The following CD96 variants were observed in gnomAD, a reference collection of about 807,000 sequenced individuals.
CD96 encodes T-cell surface protein tactile.
Under a neutral mutation model 71.3 loss-of-function variants are expected in CD96, and 70 were observed. That is an observed-to-expected ratio of 0.98 (90% CI 0.81 to 1.20). The LOEUF (loss-of-function observed/expected upper bound fraction) is 1.20. Ranked by LOEUF, CD96 falls within the 50% of genes most tolerant of loss-of-function variation. CD96 has a pLI of 0.00. For synonymous variants in CD96, 248 were observed against 233.0 expected, an observed-to-expected ratio of 1.06 and a Z score of -0.59; for missense variants, 742 against 677.5, an observed-to-expected ratio of 1.10 and a Z score of -1.06.
At chr3:111,587,468 G>A (rs1389498050) in intron 5 of CD96, among the ~76,000 whole-genome samples, 1 of 151,692 alleles carries the variant, frequency 6.6e-6, no homozygotes, top group Admixed American at 6.6e-5. Context: ...ATGGTCTGAT[G>A]ATGAGTTTCT....
chr3:111,617,451 T>C (rs1441641995), intron 8 of CD96, among the ~76,000 whole-genome samples: 5 of 152,166 alleles, frequency 3.3e-5, no homozygotes, highest in African/African-American at 7.2e-5. Flanking sequence ...TCTGAGCCCA[T>C]GAAAAACCGG....
downstream of CD96, among the ~76,000 whole-genome samples, chr3:111,657,111 G>A (rs572140263): frequency 6.6e-6 from 1 of 151,736 alleles, no homozygotes; most frequent in Admixed American, 6.6e-5. Context: ...ACTAATCCAG[G>A]CCAGGTGGAT....
intron 5 of CD96, among the ~76,000 whole-genome samples, chr3:111,596,339 T>G (rs966678137): frequency 1.3e-5 from 2 of 152,118 alleles, no homozygotes; most frequent in African/African-American, 4.8e-5. Context: ...ATGAACCACA[T>G]TTCTAAACCA....
At chr3:111,565,614 G>T (rs60925257) in intron 2 of CD96, among the ~76,000 whole-genome samples, 4,621 of 152,116 alleles carry the variant, frequency 0.03, 174 homozygotes, top group East Asian at 0.15. Flanking sequence ...GGCAAAAAAT[G>T]ATGATAGTAG....
At chr3:111,548,227 G>C (rs895456940) in intron 2 of CD96, among the ~76,000 whole-genome samples, 1 of 152,118 alleles carries the variant, frequency 6.6e-6, no homozygotes, top group Non-Finnish European at 1.5e-5. Flanking sequence ...ATCTCTTCCT[G>C]TTTCTTTTCT....
chr3:111,614,611 T>C (rs1938133764), intron 8 of CD96, among the ~76,000 whole-genome samples: 1 of 152,136 alleles, frequency 6.6e-6, no homozygotes, highest in Admixed American at 6.5e-5. Flanking sequence ...TAGGTGTTCT[T>C]CCTGAGTGAG....
chr3:111,549,783 G>A (rs1200834363), intron 2 of CD96, among the ~76,000 whole-genome samples: 2 of 152,164 alleles, frequency 1.3e-5, no homozygotes, highest in South Asian at 2.1e-4. Flanking sequence ...AGGGAACACT[G>A]GAAGATGATC....
intron 5 of CD96, among the ~76,000 whole-genome samples, chr3:111,591,371 T>TA (rs3082283): frequency 0.024 from 2,087 of 88,110 alleles, 96 homozygotes; most frequent in African/African-American, 0.084. Context: ...GACTCCATCT[T>TA]AAAAAAAAAA....
chr3:111,553,639 A>G (rs900260449), intron 2 of CD96, among the ~76,000 whole-genome samples: 1 of 151,816 alleles, frequency 6.6e-6, no homozygotes, highest in African/African-American at 2.4e-5. Flanking sequence ...CCTCTCATCA[A>G]CTTATTATTT....
At chr3:111,542,417 G>A (rs1934147987) in intron 1 of CD96, 108 bp downstream of exon 1, 1 of 809,760 alleles carries the variant, frequency 1.2e-6, no homozygotes, top group Non-Finnish European at 2.2e-6. Flanking sequence ...GATCACCAAA[G>A]GACAAATCAT....
At chr3:111,592,773 A>T (rs1392967427) in intron 5 of CD96, 3 of 152,242 alleles carry the variant, frequency 2.0e-5, no homozygotes, top group Non-Finnish European at 4.4e-5. Flanking sequence ...TTTATGAATA[A>T]GTTTTATATA....
chr3:111,575,972 A>G (rs2133034), intron 3 of CD96, among the ~76,000 whole-genome samples: 151,750 of 152,350 alleles, frequency 1, 75,579 homozygotes, highest in Middle Eastern at 1. Context: ...ATGAATCTCC[A>G]TAATTCCTCA....
At chr3:111,579,304 A>AG (rs776369166) in intron 4 of CD96, 70 bp downstream of exon 4, 1 of 870,416 alleles carries the variant, frequency 1.1e-6, no homozygotes, top group African/African-American at 1.6e-5. Flanking sequence ...TTGAAGAGGA[A>AG]GCACCCTATT....
chr3:111,577,034 G>A (rs1383443338), intron 3 of CD96, among the ~76,000 whole-genome samples: 1 of 152,120 alleles, frequency 6.6e-6, no homozygotes, highest in East Asian at 1.9e-4. Context: ...CCTTCTTTCT[G>A]CAAAAGTCAA....
At position 111,567,585 on chromosome 3, in the gene CD96, A is replaced by G. The variant is rs755948670; in HGVS notation, c.481A>G (p.Ile161Val). ...AATAGAGATAAATCAGACTCTGGAA[A>G]TACCATGCTTTCAAAATAGCTCCTC... ...IEIEINQTLEIPCFQNSSSKI... is the reference protein window; with the variant it reads ...IEIEINQTLEVPCFQNSSSKI... The change falls in exon 3 of 14, where the codon ATA becomes GTA. Residue 161 changes from isoleucine (I) to valine (V), a missense_variant. Ile to Val is a conservative substitution (Grantham distance 29). Transcript: ENST00000352690. 16 of 1,609,600 alleles carry G rather than the reference A, an allele frequency of 9.9e-6. No individual in the cohort carries two copies. Among genetic ancestry groups the G allele is most frequent in the Non-Finnish European group, 1.4e-5 (16 of 1,176,008 alleles).
intron 5 of CD96, among the ~76,000 whole-genome samples, chr3:111,585,872 G>C (rs964044812): frequency 6.6e-6 from 1 of 152,134 alleles, no homozygotes; most frequent in Non-Finnish European, 1.5e-5. Context: ...AGAAGGGCAG[G>C]AGAAAAAAGA....
intron 10 of CD96, among the ~76,000 whole-genome samples, chr3:111,628,254 C>T (rs981214765): frequency 3.3e-5 from 5 of 152,088 alleles, no homozygotes; most frequent in African/African-American, 1.2e-4. Flanking sequence ...CACATTGTAA[C>T]CCAATGCAAA....
chr3:111,625,756 A>G (rs1443342745), intron 10 of CD96, among the ~76,000 whole-genome samples: 1 of 152,186 alleles, frequency 6.6e-6, no homozygotes, highest in African/African-American at 2.4e-5. Context: ...TGTAAAAATT[A>G]GAATAAAATT....
intron 2 of CD96, among the ~76,000 whole-genome samples, chr3:111,556,566 G>A (rs530290445): frequency 1.9e-4 from 25 of 134,318 alleles, no homozygotes; most frequent in African/African-American, 5.3e-4. Flanking sequence ...AGTATTCCAC[G>A]GTGTATATGT....
Sources: gnomAD v4.1 joint callset for allele counts (sites outside exome capture counted in the v4.1 genomes callset) on GRCh38, gnomAD v4.1.1 for gene constraint, MANE v1.5 for transcripts, NCBI Gene and HGNC (gene_info 2026-07-23, HGNC 2026-07-21) for gene names.